The following ITPR1 variants were observed in gnomAD, a reference collection of about 807,000 sequenced individuals.
The protein encoded by ITPR1 is inositol 1,4,5-trisphosphate receptor type 1.
A neutral mutation model predicts 318.4 loss-of-function variants in ITPR1; 96 were observed. The observed-to-expected ratio is 0.30, with a 90% confidence interval of 0.26 to 0.36. The LOEUF (loss-of-function observed/expected upper bound fraction) is 0.36. Ranked by LOEUF, ITPR1 falls within the 10% of genes least tolerant of loss-of-function variation. ITPR1 has a pLI of 1.00. For synonymous variants in ITPR1, 1,312 were observed against 1,289.9 expected (o/e 1.02, Z -0.37); for missense variants, 2,440 against 3,460.2 (o/e 0.71, Z 7.40).
chr3:4,501,033 A>AT lies in ITPR1; in HGVS notation c.-17+6536dup, dbSNP rs34728121. 4.0e-3 allele frequency among the ~76,000 whole-genome samples: 605 copies of AT among 151,050 alleles called. 1 individual carries two copies. The highest frequency in any genetic ancestry group is 6.3e-3 in the Non-Finnish European group (425 of 67,768). On this transcript the variant is annotated intron_variant, in intron 2 of 61. Transcript: ENST00000649015. ...CACTCCTGGCTAATTTAAAAAAAAA[A>AT]TTTTTTTTTGTAGAGATTGGGTCTC...
At chr3:4,643,086 A>C (rs1480591350) in intron 7 of ITPR1, among the ~76,000 whole-genome samples, 1 of 152,226 alleles carries the variant, frequency 6.6e-6, no homozygotes, top group African/African-American at 2.4e-5. Flanking sequence ...TGTGTATAAG[A>C]TAGGGAATGT....
intron 4 of ITPR1, among the ~76,000 whole-genome samples, chr3:4,547,268 A>G (rs902655839): frequency 6.6e-6 from 1 of 152,190 alleles, no homozygotes; most frequent in African/African-American, 2.4e-5. Flanking sequence ...AAGCACATAG[A>G]TTTATCACTT....
At chr3:4,493,923 G>A (rs1304251645) in intron 1 of ITPR1, among the ~76,000 whole-genome samples, 2 of 150,902 alleles carry the variant, frequency 1.3e-5, no homozygotes, top group Non-Finnish European at 3.0e-5. Context: ...GGTTGTGGGG[G>A]TGTCATATGT....
Position 4,710,578 on chromosome 3 carries a change from T to C in ITPR1, c.4991+105T>C, listed in dbSNP as rs2041280273. On this transcript the variant is annotated intron_variant, in intron 38 of 61. Coordinates refer to ENST00000649015, the MANE Select transcript of ITPR1 (RefSeq NM_001378452.1). The surrounding 1 kb of genome is among the most constrained non-coding windows in gnomAD (Gnocchi z 4.2). The stretch of plus-strand genomic sequence containing the variant: ...ACGTTGTCCTGTTTTTTAACTTTGA[T>C]GAATGCAAGGTCATGTGCTAAAGTC... 3 of 1,169,556 alleles carry C rather than the reference T, an allele frequency of 2.6e-6. No individual in the cohort carries two copies. Among genetic ancestry groups the C allele is most frequent in the Non-Finnish European group, 3.6e-6 (3 of 834,366 alleles). 72.4% of individuals were successfully genotyped at this position (1,169,556 alleles called of 1,614,324 possible).
intron 20 of ITPR1, among the ~76,000 whole-genome samples, chr3:4,671,270 A>G (rs2094074483): frequency 6.6e-6 from 1 of 152,164 alleles, no homozygotes; most frequent in South Asian, 2.1e-4. Context: ...ACATTGGCCA[A>G]GTTTGATTTT....
intron 4 of ITPR1, among the ~76,000 whole-genome samples, chr3:4,612,162 A>C (rs2092163645): frequency 6.7e-6 from 1 of 148,310 alleles, no homozygotes; most frequent in Non-Finnish European, 1.5e-5. Context: ...CTTGTGTTCA[A>C]GCAATTCTCC....
intron 8 of ITPR1, 145 bp from the exon 9 acceptor site, chr3:4,645,242 T>C: frequency 1.5e-6 from 1 of 666,422 alleles, no homozygotes; most frequent in South Asian, 1.7e-5. Flanking sequence ...ATTTTGCAGG[T>C]GCTGTGATTT....
In ITPR1 at chr3:4,836,966, C is replaced by T. The variant is rs1350739487; in HGVS notation, c.8190+31C>T. 5 of 1,530,854 alleles carry T rather than the reference C, an allele frequency of 3.3e-6. No homozygotes were observed. The African/African-American group carries it at 6.8e-5, about 21-fold the overall frequency. 94.8% of individuals were successfully genotyped at this position (1,530,854 alleles called of 1,614,324 possible). A position where few individuals can be genotyped will look rare whatever the true frequency, so the allele number is the denominator to read the frequency against. On this transcript the variant is annotated intron_variant, in intron 61 of 61. Coordinates refer to ENST00000649015, the MANE Select transcript of ITPR1 (RefSeq NM_001378452.1). ...GAAAGAAAATCCCAGCGCCTACCCT[C>T]CCATCACTATCCCCACCCACACCCA...
intron 44 of ITPR1, chr3:4,751,196 A>G (rs1037334532): frequency 2.0e-5 from 3 of 152,660 alleles, no homozygotes; most frequent in African/African-American, 7.2e-5. Context: ...CAAGAAAACA[A>G]GAGAATGGGT....
chr3:4,599,429 A>G (rs2091102271), intron 4 of ITPR1, among the ~76,000 whole-genome samples: 1 of 152,196 alleles, frequency 6.6e-6, no homozygotes, highest in East Asian at 1.9e-4. Context: ...TTTGGGGGAA[A>G]ATGCAGAAAA....
chr3:4,667,572 G>A, intron 18 of ITPR1, 23 bp downstream of exon 18: 1 of 1,599,820 alleles, frequency 6.3e-7, no homozygotes, highest in Non-Finnish European at 8.5e-7. Context: ...TGGGGTCCAT[G>A]CAGGATGGTG....
chr3:4,688,533 T>C lies in ITPR1; in HGVS notation c.3741T>C (p.Ala1247=). The C allele has an allele frequency of 6.2e-7, 1 of 1,614,014 alleles. No individual in the cohort carries two copies. Among genetic ancestry groups the C allele is most frequent in the Non-Finnish European group, 8.5e-7 (1 of 1,179,862 alleles). ...DTKMQEIMRL[A]HEFLQNFCAG... ...AGATGCAAGAGATAATGAGGTTGGC[T>C]CATGAATTTTTGCAGAATTTCTGCG... Residue 1247 remains alanine, a synonymous_variant, in exon 31 of 62, where the codon GCT becomes GCC. Transcript: ENST00000649015.
At chr3:4,634,630 A>G (rs930200151) in intron 5 of ITPR1, among the ~76,000 whole-genome samples, 1 of 152,210 alleles carries the variant, frequency 6.6e-6, no homozygotes, top group African/African-American at 2.4e-5. Context: ...AAAAATATTA[A>G]TTGATGTGAT....
At chr3:4,622,517 G>T (rs568883157) in intron 4 of ITPR1, among the ~76,000 whole-genome samples, 1 of 151,048 alleles carries the variant, frequency 6.6e-6, no homozygotes, top group Non-Finnish European at 1.5e-5. Flanking sequence ...TCCGCCTCCC[G>T]GGTTCAAGTG....
At chr3:4,845,566 A>G (rs922930255) in intron 61 of ITPR1, among the ~76,000 whole-genome samples, 2 of 152,246 alleles carry the variant, frequency 1.3e-5, no homozygotes, top group Non-Finnish European at 2.9e-5. Context: ...GATACCGTGA[A>G]TGGTCACAGC....
intron 3 of ITPR1, among the ~76,000 whole-genome samples, chr3:4,518,917 C>G (rs1315429977): frequency 1.3e-5 from 2 of 152,152 alleles, no homozygotes; most frequent in Non-Finnish European, 2.9e-5. Flanking sequence ...AACCCTGTCT[C>G]TTTATAAAAA....
At chr3:4,683,945 G>A in intron 28 of ITPR1, 147 bp downstream of exon 28, 1 of 797,146 alleles carries the variant, frequency 1.3e-6, no homozygotes, top group Middle Eastern at 2.3e-4. Flanking sequence ...CAAGCTGTTT[G>A]CCTAGGAAAT....
intron 31 of ITPR1, among the ~76,000 whole-genome samples, chr3:4,689,450 C>A (rs924924920): frequency 6.6e-6 from 1 of 152,212 alleles, no homozygotes; most frequent in African/African-American, 2.4e-5. Flanking sequence ...TTTTGAGTGC[C>A]AGTGTGATGC....
At chr3:4,823,024 G>C (rs2049829860) in intron 60 of ITPR1, among the ~76,000 whole-genome samples, 1 of 152,150 alleles carries the variant, frequency 6.6e-6, no homozygotes, top group Non-Finnish European at 1.5e-5. Context: ...TAATTTATAT[G>C]CTGCATACCC....
Sources: allele counts gnomAD v4.1 joint callset (sites outside exome capture counted in the v4.1 genomes callset), GRCh38; gene constraint gnomAD v4.1.1; non-coding constraint Gnocchi (gnomAD v3.1); transcripts MANE v1.5; gene names NCBI Gene and HGNC (gene_info 2026-07-23, HGNC 2026-07-21).